CLCN7: variants seen among roughly 807,000 people sequenced by gnomAD.
CLCN7 encodes the protein H(+)/Cl(-) exchange transporter 7.
In CLCN7, 60 loss-of-function variants were observed where a neutral mutation model predicts 102.1. That is an observed-to-expected ratio of 0.59 (90% CI 0.48 to 0.73). The LOEUF (loss-of-function observed/expected upper bound fraction) is 0.73, where lower values mean the gene tolerates loss of function less well. Among genes scored for constraint, CLCN7 ranks in the 30% least tolerant of loss-of-function variants. The pLI is 0.00. For synonymous variants in CLCN7, 560 were observed against 490.5 expected (o/e 1.14, Z -1.87); for missense variants, 962 against 1,125.7 (o/e 0.85, Z 2.08).
At chr16:1,469,822 C>T (rs142188969) in intron 1 of CLCN7, among the ~76,000 whole-genome samples, 1 of 152,372 alleles carries the variant, frequency 6.6e-6, no homozygotes, top group African/African-American at 2.4e-5. Flanking sequence ...CCTGCTGTGC[C>T]GATGGATGAG....
chr16:1,446,625 T>C lies in CLCN7; in HGVS notation c.*6A>G, dbSNP rs2038648715. 6.4e-7 allele frequency: 1 copy of C among 1,559,944 alleles called. No homozygotes were observed. The highest frequency in any genetic ancestry group is 1.2e-5 in the South Asian group (1 of 85,048). On this transcript the variant is annotated 3_prime_UTR_variant, in exon 25 of 25. Coordinates refer to ENST00000382745, the MANE Select transcript of CLCN7 (RefSeq NM_001287.6). ...CGCCAGTGCCCATTATGGGCAGGGC[T>C]GGGCCTCACGTCTGGGCCAGCGAGA... is the stretch of plus-strand genomic sequence containing the variant.
In CLCN7 at chr16:1,474,914, C is replaced by G. The variant is rs866811790; in HGVS notation, c.61G>C (p.Ala21Pro). The change falls in exon 1 of 25, where the codon GCG becomes CCG. Residue 21 changes from alanine (A) to proline (P), a missense_variant. Transcript: ENST00000382745. ...CGCGCCGTCCTCCGCAGCAGCGGCG[C>G]CGCCTCCTCGTCGTCCCGGTCCCGG... is the stretch of plus-strand genomic sequence containing the variant. ...SGRDRDDEEA[A>P]PLLRRTARPG... is the part of the protein sequence containing the mutation. The G allele has an allele frequency of 3.4e-6, 5 of 1,470,510 alleles. No homozygotes were observed. The East Asian group carries it at 9.0e-5, about 26-fold the overall frequency. 91.1% of individuals were successfully genotyped at this position (1,470,510 alleles called of 1,614,324 possible). A position where few individuals can be genotyped will look rare whatever the true frequency, so the allele number is the denominator to read the frequency against.
chr16:1,453,038 G>T, intron 14 of CLCN7, 145 bp from the exon 15 acceptor site: 1 of 1,226,068 alleles, frequency 8.2e-7, no homozygotes, highest in Non-Finnish European at 1.2e-6. Flanking sequence ...ACGGAGTTTT[G>T]CTCTTGTTGC....
chr16:1,450,347 C>T (rs1596213427), intron 17 of CLCN7, 150 bp downstream of exon 17: 4 of 809,638 alleles, frequency 4.9e-6, no homozygotes, highest in Admixed American at 2.1e-5. Context: ...GCCCACGGCC[C>T]GTGAACCACG....
In CLCN7 at chr16:1,447,388, A is replaced by G. The variant is rs1468475693; in HGVS notation, c.2250+4T>C. On this transcript the variant is annotated splice_donor_region_variant and intron_variant, in intron 23 of 24. Transcript: ENST00000382745. ...CCACGCCCATGCCCATGCCCTGCAC[A>G]TGCCTGGGGCACCGTGTAGGGGGAG... 2 of 1,546,524 alleles carry G rather than the reference A, an allele frequency of 1.3e-6. No homozygotes were observed. Among genetic ancestry groups the G allele is most frequent in the South Asian group, 1.2e-5 (1 of 84,016 alleles).
At chr16:1,454,787 G>A (rs565572266) in intron 12 of CLCN7, among the ~76,000 whole-genome samples, 92 of 152,324 alleles carry the variant, frequency 6.0e-4, no homozygotes, top group African/African-American at 1.7e-3. Flanking sequence ...TCGATGGCAC[G>A]GAGAGTCTCC....
chr16:1,474,259 CGAAG>C, intron 1 of CLCN7: 1 of 454,924 alleles, frequency 2.2e-6, no homozygotes. Context: ...CAACTCGGTG[CGAAG>C]GGAGACTGAG....
chr16:1,446,153 A>G lies in CLCN7; in HGVS notation c.*478T>C, dbSNP rs943741265. 2 of 603,098 alleles carry G rather than the reference A, an allele frequency of 3.3e-6. No individual in the cohort carries two copies. The highest frequency in any genetic ancestry group is 3.7e-5 in the African/African-American group (2 of 53,824). 37.4% of individuals were successfully genotyped at this position (603,098 alleles called of 1,614,324 possible). On this transcript the variant is annotated 3_prime_UTR_variant, in exon 25 of 25. Transcript: ENST00000382745. ...CCCAGGGACCACAGGCCGTCTGCTC[A>G]TGGCTGAAAATGAGGCCAAGCAGCT...
At chr16:1,455,388 G>C (rs928110232) in intron 11 of CLCN7, 138 bp from the exon 12 acceptor site, 13 of 760,606 alleles carry the variant, frequency 1.7e-5, no homozygotes, top group Admixed American at 1.1e-4. Flanking sequence ...AGAAGGGAAG[G>C]GGCTGGAGCC....
intron 1 of CLCN7, among the ~76,000 whole-genome samples, chr16:1,470,203 C>T (rs577111634): frequency 6.6e-6 from 1 of 152,318 alleles, no homozygotes; most frequent in African/African-American, 2.4e-5. Context: ...TGCTATGTTG[C>T]CCAGGCTGGT....
intron 1 of CLCN7, among the ~76,000 whole-genome samples, chr16:1,467,015 C>T (rs2142398920): frequency 6.6e-6 from 1 of 151,670 alleles, no homozygotes; most frequent in Non-Finnish European, 1.5e-5. Context: ...CGTCCTGTTA[C>T]CAGCCACCGT....
chr16:1,461,622 A>G lies in CLCN7; in HGVS notation c.266T>C (p.Leu89Pro). 6.2e-7 allele frequency: 1 copy of G among 1,614,014 alleles called. No homozygotes were observed. Among genetic ancestry groups the G allele is most frequent in the Non-Finnish European group, 8.5e-7 (1 of 1,179,990 alleles). ...GCCCACCTCATACTTGAGGGACAGG[A>G]GCTTCTCGTTGTGTGGGATCTCCTT... The part of the protein sequence containing the change: ...FPKEIPHNEK[L>P]LSLKYESLDY... The change falls in exon 3 of 25, where the codon CTC (leucine) becomes CCC (proline). Residue 89 changes from leucine (L) to proline (P), a missense_variant. By Grantham distance (98) the Leu-to-Pro change is moderately conservative. Coordinates refer to ENST00000382745, the MANE Select transcript of CLCN7 (RefSeq NM_001287.6).
chr16:1,447,250 C>T, intron 23 of CLCN7, 142 bp downstream of exon 23: 1 of 1,164,672 alleles, frequency 8.6e-7, no homozygotes, highest in Non-Finnish European at 1.2e-6. Context: ...AGCTCTAAAG[C>T]CTGCCAGGCC....
rs765947375 is a variant in CLCN7, at chr16:1,446,087, C to T, written c.*544G>A. The T allele has an allele frequency of 3.0e-5, 18 of 591,076 alleles. No individual in the cohort carries two copies. The highest frequency in any genetic ancestry group is 4.5e-4 in the Middle Eastern group (1 of 2,236). The allele number at this position is 591,076 out of a possible 1,614,324, so 36.6% of individuals were successfully genotyped here. ...GTGTGAAGCTGCTCTCCGGGGCGGT[C>T]GCAGCCTCCAAACCCTGGTGCTACG... On this transcript the variant is annotated 3_prime_UTR_variant, in exon 25 of 25. Transcript: ENST00000382745.
At chr16:1,461,059 G>A in intron 4 of CLCN7, 111 bp from the exon 5 acceptor site, 1 of 1,369,482 alleles carries the variant, frequency 7.3e-7, no homozygotes, top group Non-Finnish European at 9.9e-7. Flanking sequence ...AGGGCCCAGT[G>A]TGCACGGTGC....
chr16:1,446,412 T>C lies in CLCN7; in HGVS notation c.*219A>G. The C allele has an allele frequency of 1.4e-6, 1 of 702,534 alleles. No homozygotes were observed. Among genetic ancestry groups the C allele is most frequent in the Non-Finnish European group, 2.6e-6 (1 of 385,006 alleles). The allele number at this position is 702,534 out of a possible 1,614,324, so 43.5% of individuals were successfully genotyped here. On this transcript the variant is annotated 3_prime_UTR_variant, in exon 25 of 25. Transcript: ENST00000382745. The stretch of plus-strand genomic sequence containing the variant: ...AGACGAGGAGAGTGGAGGCTGGGCC[T>C]GCGCAAGGAGGCGCCAAGGGGGGAG...
rs764028778 is a variant in CLCN7, at chr16:1,447,089, G to A, written c.2251-3C>T. Reference sequence around the variant, plus strand: ...AACACCCGTGGGAGCGACGCCTCCTGCAGCAGGGGCACAGCTGTCAGTGCC... The same window carrying A: ...AACACCCGTGGGAGCGACGCCTCCTACAGCAGGGGCACAGCTGTCAGTGCC... On this transcript the variant is annotated splice_region_variant and splice_polypyrimidine_tract_variant and intron_variant, in intron 23 of 24. Transcript: ENST00000382745. 5 of 1,592,608 alleles carry A rather than the reference G, an allele frequency of 3.1e-6. No homozygotes were observed. The highest frequency in any genetic ancestry group is 2.7e-5 in the African/African-American group (2 of 74,558).
At position 1,451,613 on chromosome 16, in the gene CLCN7, CCA is replaced by C. The variant is rs752546077; in HGVS notation, c.1447+8_1447+9del. 1,170 of 1,609,826 alleles carry C rather than the reference CCA, an allele frequency of 7.3e-4. No individual in the cohort carries two copies. The highest frequency in any genetic ancestry group is 9.7e-4 in the Non-Finnish European group (1,148 of 1,179,200). On this transcript the variant is annotated splice_region_variant and intron_variant, in intron 16 of 24. Transcript: ENST00000382745. ...CCCAGGGCCTGCCCAGCGGCACTGC[CCA>C]CACACACCTGGCGGGTCGTGGAAGA...
At chr16:1,448,638 C>T (rs754928380) in intron 20 of CLCN7, 43 bp downstream of exon 20, 23 of 1,609,646 alleles carry the variant, frequency 1.4e-5, no homozygotes, top group East Asian at 4.5e-5. Flanking sequence ...AACAAGAGGC[C>T]GCTGGACACC....
Sources: gnomAD v4.1 joint callset for allele counts (sites outside exome capture counted in the v4.1 genomes callset) on GRCh38, gnomAD v4.1.1 for gene constraint, MANE v1.5 for transcripts, NCBI Gene and HGNC (gene_info 2026-07-23, HGNC 2026-07-21) for gene names.